Variants in ZNF143 observed in about 807,000 individuals in gnomAD.
ZNF143 encodes the protein zinc finger protein 143.
ZNF143 carries 49 observed loss-of-function variants against 74.1 expected under a neutral mutation model. The ratio of observed to expected loss-of-function variants is 0.66; its 90% CI spans 0.53 to 0.84. The LOEUF (loss-of-function observed/expected upper bound fraction) is 0.84, where lower values mean the gene tolerates loss of function less well. ZNF143 is among the 40% of genes least tolerant of loss of function. ZNF143 has a pLI of 0.00. For missense variants in ZNF143, 637 were observed against 793.4 expected (o/e 0.80, Z 2.37); for synonymous variants, 304 against 282.8 (o/e 1.07, Z -0.75).
At chr11:9,525,546 T>A in intron 15 of ZNF143, 160 bp downstream of exon 15, 1 of 935,664 alleles carries the variant, frequency 1.1e-6, no homozygotes, top group Non-Finnish European at 1.7e-6. Context: ...TGAGGTGGAC[T>A]CAAAAAGACC....
intron 7 of ZNF143, among the ~76,000 whole-genome samples, chr11:9,486,514 A>ATC (rs1847558005): frequency 8.3e-6 from 1 of 120,232 alleles, no homozygotes; most frequent in Non-Finnish European, 1.6e-5. Flanking sequence ...GGACTAGCAG[A>ATC]TCTCTGATCC....
rs552407021 is a variant in ZNF143 at position 9,514,092 on chromosome 11, C to A, written c.1524+1496C>A. Among the ~76,000 whole-genome samples, 118 of 152,210 alleles carry A rather than the reference C, an allele frequency of 7.8e-4. 1 individual carries two copies. The highest frequency in any genetic ancestry group is 2.8e-3 in the African/African-American group (116 of 41,548). Reference sequence around the variant, plus strand: ...AACATGTTTTTTTCAGAGGTGAGGTCTCACTGTGTTATCCAGGCTGGTCTT... The same window carrying A: ...AACATGTTTTTTTCAGAGGTGAGGTATCACTGTGTTATCCAGGCTGGTCTT... On this transcript the variant is annotated intron_variant, in intron 13 of 15. Coordinates refer to ENST00000396602, the MANE Select transcript of ZNF143 (RefSeq NM_003442.6).
chr11:9,475,908 ATATGTGTG>A (rs1300415280), intron 5 of ZNF143, among the ~76,000 whole-genome samples: 6 of 117,632 alleles, frequency 5.1e-5, no homozygotes, highest in South Asian at 5.5e-4. Flanking sequence ...AAAAAAATAT[ATATGTGTG>A]TGTGTGTGTG....
Position 9,486,362 on chromosome 11 carries a change from A to T in ZNF143, c.645+6816A>T, listed in dbSNP as rs12285374. Among the ~76,000 whole-genome samples, 240 of 43,394 alleles carry T rather than the reference A, an allele frequency of 5.5e-3. 5 individuals carry two copies. The highest frequency in any genetic ancestry group is 9.3e-3 in the Non-Finnish European group (195 of 21,042). 28.5% of individuals were successfully genotyped at this position (43,394 alleles called of 152,430 possible). A position where few individuals can be genotyped will look rare whatever the true frequency, so the allele number is the denominator to read the frequency against. On this transcript the variant is annotated intron_variant, in intron 7 of 15. Transcript: ENST00000396602. Reference sequence around the variant, plus strand: ...TATATTATATATATATTATATATATATTATATATAATATATTATATATATA... The same window carrying T: ...TATATTATATATATATTATATATATTTTATATATAATATATTATATATATA...
Position 9,497,828 on chromosome 11 carries a change from CTT to C in ZNF143, c.967+47_967+48del, listed in dbSNP as rs536473555. On this transcript the variant is annotated intron_variant, in intron 10 of 15. Coordinates refer to ENST00000396602, the MANE Select transcript of ZNF143 (RefSeq NM_003442.6). Reference sequence around the variant, plus strand: ...ACTAGTGGAAACAGAGTGTCAAAATCTTTTTTTTTTTTTTTTTTTTGAGACGG... The same window carrying C: ...ACTAGTGGAAACAGAGTGTCAAAATCTTTTTTTTTTTTTTTTTTGAGACGG... The C allele has an allele frequency of 0.043, 43,519 of 1,008,104 alleles. No homozygotes were observed. Among genetic ancestry groups the C allele is most frequent in the East Asian group, 0.054 (1,117 of 20,810 alleles). The allele number at this position is 1,008,104 out of a possible 1,614,324, so 62.4% of individuals were successfully genotyped here. A position where few individuals can be genotyped will look rare whatever the true frequency, so the allele number is the denominator to read the frequency against.
chr11:9,488,998 A>G (rs143989835), intron 7 of ZNF143, among the ~76,000 whole-genome samples: 5 of 152,344 alleles, frequency 3.3e-5, no homozygotes, highest in East Asian at 1.9e-4. Context: ...AGGGAATCCT[A>G]TCACACCCAA....
At chr11:9,521,581 TG>T (rs913022755) in intron 14 of ZNF143, among the ~76,000 whole-genome samples, 4 of 150,914 alleles carry the variant, frequency 2.7e-5, no homozygotes, top group African/African-American at 9.9e-5. Context: ...GTTTTTTTTT[TG>T]TTGTTGTTGT....
rs547088626 is a variant in ZNF143 at position 9,516,546 on chromosome 11, A to G, written c.1686+184A>G. ...ATATGTAAAGTAGGGTGCTAGTTGC[A>G]TGTACCCCATAAGGTTGATATAAGG... On this transcript the variant is annotated intron_variant, in intron 14 of 15. Transcript: ENST00000396602. 3.3e-5 allele frequency among the ~76,000 whole-genome samples: 5 copies of G among 152,324 alleles called. No individual in the cohort carries two copies. In the East Asian group the frequency reaches 7.7e-4, roughly 23 times the overall value.
At chr11:9,488,839 G>A (rs1429558069) in intron 7 of ZNF143, among the ~76,000 whole-genome samples, 2 of 152,046 alleles carry the variant, frequency 1.3e-5, no homozygotes, top group Non-Finnish European at 2.9e-5. Flanking sequence ...GGTATAAAGG[G>A]TAGTTAATTG....
At chr11:9,489,141 A>T (rs759198783) in intron 7 of ZNF143, among the ~76,000 whole-genome samples, 1 of 152,114 alleles carries the variant, frequency 6.6e-6, no homozygotes, top group South Asian at 2.1e-4. Context: ...TCCTTTTGTT[A>T]GTTGGGTGTT....
chr11:9,469,781 C>T (rs1000843456), intron 1 of ZNF143, among the ~76,000 whole-genome samples: 8 of 152,166 alleles, frequency 5.3e-5, no homozygotes, highest in Non-Finnish European at 1.0e-4. Context: ...CTCCTGACCT[C>T]AGGTGATCCA....
intron 8 of ZNF143, among the ~76,000 whole-genome samples, chr11:9,495,435 C>T (rs1019730030): frequency 2.6e-5 from 4 of 152,124 alleles, no homozygotes; most frequent in Non-Finnish European, 4.4e-5. Context: ...AGCGAAACTC[C>T]ATCTCAATAA....
At chr11:9,462,566 A>T (rs1855931550) in intron 1 of ZNF143, among the ~76,000 whole-genome samples, 1 of 151,904 alleles carries the variant, frequency 6.6e-6, no homozygotes, top group South Asian at 2.1e-4. Flanking sequence ...TCGAAAAAAA[A>T]AAAAGTGATA....
intron 11 of ZNF143, among the ~76,000 whole-genome samples, chr11:9,502,932 A>G (rs969086322): frequency 3.3e-5 from 5 of 151,878 alleles, no homozygotes; most frequent in Admixed American, 1.3e-4. Flanking sequence ...CTGGGTTCAC[A>G]CCATTCTCCT....
chr11:9,469,324 C>T lies in ZNF143; in HGVS notation c.-7-1978C>T, dbSNP rs1046565602. 1.1e-3 allele frequency among the ~76,000 whole-genome samples: 169 copies of T among 150,402 alleles called. 1 individual carries two copies. The highest frequency in any genetic ancestry group is 4.0e-3 in the African/African-American group (162 of 40,856). On this transcript the variant is annotated intron_variant, in intron 1 of 15. Transcript: ENST00000396602. Reference sequence around the variant, plus strand: ...TCGGCTCACTGCAACCTCCACCTCCCGGGTTCAGGCAGTTTTCCTGCCTCA... The same window carrying T: ...TCGGCTCACTGCAACCTCCACCTCCTGGGTTCAGGCAGTTTTCCTGCCTCA...
chr11:9,476,820 T>C (rs569335332), intron 5 of ZNF143, among the ~76,000 whole-genome samples: 4 of 112,886 alleles, frequency 3.5e-5, no homozygotes, highest in Admixed American at 1.2e-4. Flanking sequence ...AGTGCAGTGG[T>C]GCGATCTCGG....
intron 8 of ZNF143, 113 bp downstream of exon 8, chr11:9,494,878 A>G (rs1028053635): frequency 8.7e-7 from 1 of 1,154,210 alleles, no homozygotes; most frequent in African/African-American, 1.6e-5. Context: ...TTATCAAGAT[A>G]CTGGCACTTG....
At chr11:9,472,045 C>T (rs1856607680) in intron 2 of ZNF143, among the ~76,000 whole-genome samples, 1 of 150,826 alleles carries the variant, frequency 6.6e-6, no homozygotes, top group Non-Finnish European at 1.5e-5. Context: ...CCTGTCACCT[C>T]AGCCTCCCAA....
chr11:9,499,949 T>G (rs891332278), intron 10 of ZNF143, among the ~76,000 whole-genome samples: 1 of 152,098 alleles, frequency 6.6e-6, no homozygotes, highest in African/African-American at 2.4e-5. Flanking sequence ...TAAAGCAGAT[T>G]TTTTTGTTTT....
Sources: allele counts gnomAD v4.1 joint callset (sites outside exome capture counted in the v4.1 genomes callset), GRCh38; gene constraint gnomAD v4.1.1; transcripts MANE v1.5; gene names NCBI Gene and HGNC (gene_info 2026-07-23, HGNC 2026-07-21).